NYX: variants seen among roughly 807,000 people sequenced by gnomAD.
NYX encodes nyctalopin, also known as leucine-rich repeat protein.
For missense variants in NYX, 481 were observed against 485.4 expected (o/e 0.99, Z 0.09); for synonymous variants, 258 against 245.7 (o/e 1.05, Z -0.47).
chrX:41,472,543 C>T (rs925701650), intron 2 of NYX: 1 of 567,536 alleles, frequency 1.8e-6, no homozygotes, highest in South Asian at 2.6e-5. Flanking sequence ...TTTCAAGAAC[C>T]TCTGACTACA....
chrX:41,473,245 T>C (rs1421762022), intron 2 of NYX, among the ~76,000 whole-genome samples: 1 of 111,002 alleles, frequency 9.0e-6, no homozygotes, highest in Non-Finnish European at 1.9e-5. Flanking sequence ...GCTGCAGGGA[T>C]TGCAGCTGGG....
intron 2 of NYX, among the ~76,000 whole-genome samples, chrX:41,454,660 G>A (rs758988231): frequency 7.0e-4 from 77 of 109,668 alleles, no homozygotes; most frequent in Admixed American, 2.4e-3. Flanking sequence ...AGGCTGGAGC[G>A]CAGTGGCACA....
intron 2 of NYX, among the ~76,000 whole-genome samples, chrX:41,453,185 A>G (rs1022362308): frequency 2.7e-5 from 3 of 112,050 alleles, no homozygotes; most frequent in Non-Finnish European, 5.6e-5. Flanking sequence ...AAGGTGGGAA[A>G]GCACATATTT....
At chrX:41,473,377 T>C in intron 2 of NYX, 114 bp from the exon 3 acceptor site, 14 of 817,970 alleles carry the variant, frequency 1.7e-5, no homozygotes, top group Non-Finnish European at 2.0e-5. Flanking sequence ...GTGGAGGGCC[T>C]GCATCCTGCT....
At position 41,474,341 on chromosome X, in the gene NYX, C is replaced by T. The variant is rs2064379402; in HGVS notation, c.873C>T (p.Gly291=). The T allele has an allele frequency of 5.0e-6, 6 of 1,208,498 alleles. No individual in the cohort carries two copies. Among genetic ancestry groups the T allele is most frequent in the Middle Eastern group, 2.3e-4 (1 of 4,351 alleles). ...DRNSIAFVEE[G]AFQNLSGLLA... ...ACAGCATCGCCTTCGTGGAGGAGGG[C>T]GCCTTCCAGAACCTCTCGGGTCTCC... Residue 291 remains glycine, a synonymous_variant, in exon 3 of 3, where the codon GGC becomes GGT. Transcript: ENST00000378220.
At chrX:41,470,246 T>C (rs1437787140) in intron 2 of NYX, among the ~76,000 whole-genome samples, 2 of 110,875 alleles carry the variant, frequency 1.8e-5, no homozygotes, top group African/African-American at 3.3e-5. Context: ...AGAGGAACTA[T>C]AGTAGCACCA....
At chrX:41,472,838 G>A (rs1015247891) in intron 2 of NYX, among the ~76,000 whole-genome samples, 2 of 111,564 alleles carry the variant, frequency 1.8e-5, no homozygotes, top group Admixed American at 9.5e-5. Context: ...TCACTCTGTC[G>A]CCCAGGCTAG....
intron 2 of NYX, among the ~76,000 whole-genome samples, chrX:41,465,643 G>A (rs1228130357): frequency 1.9e-5 from 2 of 102,739 alleles, no homozygotes; most frequent in Admixed American, 2.1e-4. Context: ...CCTGCCCCCC[G>A]AGTAGCTGGG....
At chrX:41,461,361 T>C (rs1011546383) in intron 2 of NYX, among the ~76,000 whole-genome samples, 4 of 94,563 alleles carry the variant, frequency 4.2e-5, no homozygotes, top group African/African-American at 1.2e-4. Context: ...TATTCCTTTT[T>C]ATGGCTGAGT....
intron 2 of NYX, among the ~76,000 whole-genome samples, chrX:41,455,810 C>T (rs1464320576): frequency 9.0e-6 from 1 of 111,713 alleles, no homozygotes; most frequent in Admixed American, 9.6e-5. Flanking sequence ...GTTTTTCTGG[C>T]CAAGGTATTC....
chrX:41,452,169 C>T (rs758028873), intron 2 of NYX, among the ~76,000 whole-genome samples: 5 of 109,650 alleles, frequency 4.6e-5, no homozygotes, highest in South Asian at 3.9e-4. Flanking sequence ...GATGGGGTTT[C>T]GCCATGTTGC....
In NYX at chrX:41,473,783, G is replaced by A; in HGVS notation, c.315G>A (p.Pro105=). 8.8e-7 allele frequency: 1 copy of A among 1,139,097 alleles called. No individual in the cohort carries two copies. The highest frequency in any genetic ancestry group is 1.2e-6 in the Non-Finnish European group (1 of 865,531). 93.9% of individuals were successfully genotyped at this position (1,139,097 alleles called of 1,213,427 possible). ...FITPGAFKGL[P]RLAELRLAHN... ...CGCCCGGCGCCTTCAAGGGCCTGCC[G>A]CGCCTGGCTGAGCTGCGCCTGGCGC... is the stretch of plus-strand genomic sequence containing the variant. The change falls in exon 3 of 3, where the codon CCG becomes CCA. Residue 105 remains proline (P), a synonymous_variant. Transcript: ENST00000378220.
chrX:41,475,143 C>CGGGT lies in NYX; in HGVS notation c.*248_*251dup. On this transcript the variant is annotated 3_prime_UTR_variant, in exon 3 of 3. Transcript: ENST00000378220. ...AGAAGCAAGAATGAACGTGGGCCCT[C>CGGGT]GGGTGGGAAGACTAGGAATCGGAAG... 1 of 427,227 alleles carries CGGGT rather than the reference C, an allele frequency of 2.3e-6. No homozygotes were observed. The allele number at this position is 427,227 out of a possible 1,213,427, so 35.2% of individuals were successfully genotyped here.
intron 1 of NYX, 156 bp downstream of exon 1, chrX:41,447,672 G>A (rs1276005899): frequency 4.4e-6 from 2 of 449,533 alleles, no homozygotes; most frequent in Admixed American, 3.6e-5. Context: ...TCCATTTGTG[G>A]GGAGCTTCTG....
chrX:41,450,275 T>G (rs1018859141), intron 2 of NYX, among the ~76,000 whole-genome samples: 1 of 111,912 alleles, frequency 8.9e-6, no homozygotes, highest in Admixed American at 9.5e-5. Flanking sequence ...GTGTTTGTGT[T>G]TTTTGTGTGT....
Position 41,474,359 on chromosome X carries a change from G to A in NYX, c.891G>A (p.Ser297=). Residue 297 remains serine, a synonymous_variant, in exon 3 of 3, where the codon TCG becomes TCA. Transcript: ENST00000378220. ...AGGAGGGCGCCTTCCAGAACCTCTC[G>A]GGTCTCCTCGCGCTGCACCTCAACG... ...FVEEGAFQNL[S]GLLALHLNGN... 8.3e-7 allele frequency: 1 copy of A among 1,207,993 alleles called. No individual in the cohort carries two copies. The highest frequency in any genetic ancestry group is 1.8e-5 in the South Asian group (1 of 57,026).
At chrX:41,461,605 C>A (rs974932041) in intron 2 of NYX, among the ~76,000 whole-genome samples, 1 of 110,467 alleles carries the variant, frequency 9.1e-6, no homozygotes, top group African/African-American at 3.3e-5. Flanking sequence ...AAGGGATCTC[C>A]ACACTGTTTT....
chrX:41,473,324 G>A (rs1271568763), intron 2 of NYX, among the ~76,000 whole-genome samples, 167 bp from the exon 3 acceptor site: 1 of 111,308 alleles, frequency 9.0e-6, no homozygotes, highest in African/African-American at 3.3e-5. Context: ...GTGTGAGGCC[G>A]CGGAGGTGGG....
Position 41,474,680 on chromosome X carries a change from C to T in NYX, c.1212C>T (p.Thr404=), listed in dbSNP as rs187149252. 4.8e-4 allele frequency: 570 copies of T among 1,197,375 alleles called. No homozygotes were observed. The East Asian group carries it at 0.016, about 34-fold the overall frequency. The part of the protein sequence containing the change: ...PGPSPEPAAT[T]VSRFSSLLSK... ...CGTCCCCAGAACCAGCGGCCACCAC[C>T]GTGAGCAGGTTCAGCAGCCTCCTCT... Residue 404 remains threonine (T), a synonymous_variant, in exon 3 of 3, where the codon ACC becomes ACT. Coordinates refer to ENST00000378220, the MANE Select transcript of NYX (RefSeq NM_001378477.3).
Sources: allele counts gnomAD v4.1 joint callset (sites outside exome capture counted in the v4.1 genomes callset), GRCh38; gene constraint gnomAD v4.1.1; transcripts MANE v1.5; gene names NCBI Gene and HGNC (gene_info 2026-07-23, HGNC 2026-07-21).